TCF12: variants seen among roughly 807,000 people sequenced by gnomAD.
The protein encoded by TCF12 is DNA-binding protein HTF4.
Under a neutral mutation model 86.0 loss-of-function variants are expected in TCF12, and 45 were observed. The observed-to-expected ratio is 0.52, with a 90% CI of 0.41 to 0.67. The LOEUF (loss-of-function observed/expected upper bound fraction) is 0.67, where lower values mean the gene tolerates loss of function less well. Ranked by LOEUF, TCF12 falls within the 30% of genes least tolerant of loss-of-function variation. The pLI, the probability that TCF12 is intolerant of heterozygous loss-of-function variation, is 0.00. For missense variants in TCF12, 881 were observed against 859.9 expected (o/e 1.02, Z -0.31); for synonymous variants, 330 against 299.6 (o/e 1.10, Z -1.05).
At chr15:57,068,317 T>G in intron 4 of TCF12, among the ~76,000 whole-genome samples, 1 of 152,186 alleles carries the variant, frequency 6.6e-6, no homozygotes. Context: ...AACCTGTGTA[T>G]CTCAAAATTC....
chr15:57,153,212 C>T (rs1047369997), intron 5 of TCF12, among the ~76,000 whole-genome samples: 1 of 152,150 alleles, frequency 6.6e-6, no homozygotes, highest in Admixed American at 6.5e-5. Flanking sequence ...GAATGTCACT[C>T]CAGACAGAAA....
chr15:57,084,571 C>T (rs2151078221), intron 4 of TCF12, among the ~76,000 whole-genome samples: 1 of 152,270 alleles, frequency 6.6e-6, no homozygotes, highest in African/African-American at 2.4e-5. Flanking sequence ...TCTGCCGGAG[C>T]TTCTGCATTT....
At chr15:57,104,261 C>T (rs2049961905) in intron 5 of TCF12, among the ~76,000 whole-genome samples, 1 of 151,786 alleles carries the variant, frequency 6.6e-6, no homozygotes, top group Non-Finnish European at 1.5e-5. Context: ...AAGACTATCT[C>T]ATAACATAAT....
rs557610511 is a variant in TCF12, at chr15:56,995,231, C to CTTTTTTTTTTTTT, written c.149-68503_149-68491dup. 7.2e-3 allele frequency among the ~76,000 whole-genome samples: 217 copies of CTTTTTTTTTTTTT among 30,298 alleles called. 56 individuals carry two copies. The highest frequency in any genetic ancestry group is 9.3e-3 in the Non-Finnish European group (150 of 16,184). The allele number at this position is 30,298 out of a possible 152,430, so 19.9% of individuals were successfully genotyped here. A position where few individuals can be genotyped will look rare whatever the true frequency, so the allele number is the denominator to read the frequency against. The stretch of plus-strand genomic sequence containing the variant: ...AAGTCAGGTAATGTGATACCTGCAG[C>CTTTTTTTTTTTTT]TTTTTTTTTTTTTTTTTTTTTTTTT... On this transcript the variant is annotated intron_variant, in intron 3 of 20. Coordinates refer to ENST00000333725, the MANE Select transcript of TCF12 (RefSeq NM_207037.2).
intron 3 of TCF12, among the ~76,000 whole-genome samples, chr15:56,949,818 T>A (rs1423527658): frequency 6.6e-6 from 1 of 152,120 alleles, no homozygotes; most frequent in Non-Finnish European, 1.5e-5. Context: ...TAAAGTGTCA[T>A]GGGGTTATAG....
At chr15:57,050,055 C>T (rs2067506513) in intron 3 of TCF12, among the ~76,000 whole-genome samples, 1 of 152,080 alleles carries the variant, frequency 6.6e-6, no homozygotes, top group East Asian at 1.9e-4. Context: ...TTACTCGGAG[C>T]TTATAGTTTA....
chr15:57,158,962 C>A (rs1486516084), intron 5 of TCF12, among the ~76,000 whole-genome samples: 7 of 152,340 alleles, frequency 4.6e-5, no homozygotes, highest in East Asian at 3.9e-4. Context: ...AATAGGCAAG[C>A]ATTTATTTAA....
At chr15:57,053,228 G>A (rs1289413099) in intron 3 of TCF12, among the ~76,000 whole-genome samples, 1 of 152,140 alleles carries the variant, frequency 6.6e-6, no homozygotes, top group Non-Finnish European at 1.5e-5. Flanking sequence ...ATGATGCCGA[G>A]CAGCTTTTCA....
chr15:56,965,796 C>G (rs950376375), intron 3 of TCF12, among the ~76,000 whole-genome samples: 5 of 152,194 alleles, frequency 3.3e-5, no homozygotes, highest in Non-Finnish European at 4.4e-5. Context: ...GTGAAAAAAA[C>G]TCTTGCAGTT....
At chr15:57,005,032 C>T (rs564913367) in intron 3 of TCF12, among the ~76,000 whole-genome samples, 2 of 152,190 alleles carry the variant, frequency 1.3e-5, no homozygotes, top group African/African-American at 2.4e-5. Context: ...GGAGAGATAC[C>T]AGCCAAATAT....
chr15:57,090,691 A>AT (rs1447702259), intron 4 of TCF12, among the ~76,000 whole-genome samples: 2 of 152,010 alleles, frequency 1.3e-5, no homozygotes, highest in East Asian at 3.8e-4. Flanking sequence ...GTGATTGATG[A>AT]TTTTTTTAGT....
At chr15:57,279,902 T>G (rs1038233909) in intron 19 of TCF12, among the ~76,000 whole-genome samples, 3 of 149,946 alleles carry the variant, frequency 2.0e-5, no homozygotes, top group Non-Finnish European at 4.4e-5. Flanking sequence ...TTTTTTTTTT[T>G]TTTTGGAGAC....
chr15:57,166,012 T>C (rs980873355), intron 5 of TCF12, among the ~76,000 whole-genome samples: 2 of 152,034 alleles, frequency 1.3e-5, no homozygotes, highest in Admixed American at 6.5e-5. Context: ...ATTTACATGC[T>C]ACTTTATATA....
chr15:57,094,355 G>A (rs1419375261), intron 5 of TCF12, among the ~76,000 whole-genome samples: 1 of 152,086 alleles, frequency 6.6e-6, no homozygotes, highest in Admixed American at 6.6e-5. Context: ...TTTATTTTTA[G>A]TAAAAATGAT....
chr15:57,130,375 C>T (rs1179086534), intron 5 of TCF12, among the ~76,000 whole-genome samples: 1 of 152,036 alleles, frequency 6.6e-6, no homozygotes, highest in Non-Finnish European at 1.5e-5. Flanking sequence ...AGAGAGGCAG[C>T]ATCTGTAAAT....
Position 57,130,376 on chromosome 15 carries a change from A to G in TCF12, c.326-36026A>G, listed in dbSNP as rs565484339. Among the ~76,000 whole-genome samples the G allele has an allele frequency of 2.6e-5, 4 of 152,268 alleles. No homozygotes were observed. In the East Asian group the frequency reaches 7.7e-4, roughly 29 times the overall value. On this transcript the variant is annotated intron_variant, in intron 5 of 20. Coordinates refer to ENST00000333725, the MANE Select transcript of TCF12 (RefSeq NM_207037.2). ...TTTTTGTGGATTTTAGAGAGGCAGCATCTGTAAATTACGTGCATACTGACT... is the reference window on the plus strand; with the variant it reads ...TTTTTGTGGATTTTAGAGAGGCAGCGTCTGTAAATTACGTGCATACTGACT...
chr15:57,139,391 T>C (rs1414881257), intron 5 of TCF12, among the ~76,000 whole-genome samples: 2 of 152,224 alleles, frequency 1.3e-5, no homozygotes, highest in Admixed American at 1.3e-4. Flanking sequence ...TACATATAAC[T>C]AGATTTCAGC....
intron 8 of TCF12, among the ~76,000 whole-genome samples, chr15:57,208,956 T>G (rs1180420872): frequency 6.6e-6 from 1 of 152,172 alleles, no homozygotes; most frequent in Non-Finnish European, 1.5e-5. Flanking sequence ...CCTCAAGTGA[T>G]CCTCCCATCT....
At chr15:57,195,772 G>A (rs776746925) in intron 7 of TCF12, among the ~76,000 whole-genome samples, 15 of 152,210 alleles carry the variant, frequency 9.9e-5, no homozygotes, top group Non-Finnish European at 1.6e-4. Context: ...TGGAGGCCAA[G>A]GCCGATGATC....
Sources: gnomAD v4.1 joint callset for allele counts (sites outside exome capture counted in the v4.1 genomes callset) on GRCh38, gnomAD v4.1.1 for gene constraint, MANE v1.5 for transcripts, NCBI Gene and HGNC (gene_info 2026-07-23, HGNC 2026-07-21) for gene names.